The following SMURF1 variants were observed in gnomAD, a reference collection of about 807,000 sequenced individuals.
The protein encoded by SMURF1 is SMAD specific E3 ubiquitin protein ligase 1.
Under a neutral mutation model 98.0 loss-of-function variants are expected in SMURF1, and 44 were observed. That is an observed-to-expected ratio of 0.45 (90% CI 0.35 to 0.58). The LOEUF (loss-of-function observed/expected upper bound fraction) is 0.58. Among genes scored for constraint, SMURF1 ranks in the 20% least tolerant of loss-of-function variants. The pLI is 0.00. For synonymous variants in SMURF1, 396 were observed against 374.9 expected (o/e 1.06, Z -0.65); for missense variants, 687 against 938.4 (o/e 0.73, Z 3.50).
chr7:99,059,346 C>T (rs1364824334), intron 3 of SMURF1, among the ~76,000 whole-genome samples: 18 of 143,434 alleles, frequency 1.3e-4, no homozygotes, highest in Admixed American at 2.1e-4. Flanking sequence ...TGCAGTGAGC[C>T]GAGATCCCGC....
chr7:99,060,705 G>A lies in SMURF1; in HGVS notation c.97C>T (p.Leu33Phe). The change falls in exon 3 of 18, where the codon CTC becomes TTC. Residue 33 changes from leucine to phenylalanine, a missense_variant and splice_region_variant. Leu to Phe is a conservative substitution (Grantham distance 22). This residue lies in a region of SMURF1 where 415 missense variants were observed against 508.4 expected (regional missense o/e 0.82). Coordinates refer to ENST00000361368, the MANE Select transcript of SMURF1 (RefSeq NM_181349.3). ...KNLAKKDFFRLPDPFAKIVVD... is the reference protein window; with the variant it reads ...KNLAKKDFFRFPDPFAKIVVD... Reference sequence around the variant, plus strand: ...ACAATCTTTGCAAAAGGGTCAGGGAGCCCTAGAGGAGAGAGGAGACCCACA... The same window carrying A: ...ACAATCTTTGCAAAAGGGTCAGGGAACCCTAGAGGAGAGAGGAGACCCACA... 1 of 1,612,412 alleles carries A rather than the reference G, an allele frequency of 6.2e-7. No homozygotes were observed. Among genetic ancestry groups the A allele is most frequent in the East Asian group, 2.2e-5 (1 of 44,868 alleles).
At chr7:99,056,509 C>CT (rs764819330) in intron 5 of SMURF1, among the ~76,000 whole-genome samples, 18 of 152,206 alleles carry the variant, frequency 1.2e-4, no homozygotes, top group Non-Finnish European at 1.9e-4. Flanking sequence ...CTTCACAACT[C>CT]TATGCTTTTT....
At chr7:99,118,348 C>G (rs945578711) in intron 1 of SMURF1, among the ~76,000 whole-genome samples, 1 of 152,142 alleles carries the variant, frequency 6.6e-6, no homozygotes, top group Non-Finnish European at 1.5e-5. Flanking sequence ...AAAAACTTGC[C>G]CACAAATGTT....
At chr7:99,055,124 G>A (rs916269794) in intron 5 of SMURF1, among the ~76,000 whole-genome samples, 1 of 152,148 alleles carries the variant, frequency 6.6e-6, no homozygotes, top group Admixed American at 6.5e-5. Flanking sequence ...AAATAACAAT[G>A]TAATATTCAG....
chr7:99,112,517 G>A (rs1020949169), intron 1 of SMURF1, among the ~76,000 whole-genome samples: 2 of 152,132 alleles, frequency 1.3e-5, no homozygotes, highest in African/African-American at 4.8e-5. Flanking sequence ...CAATCCACAG[G>A]GAGGGGGAGC....
chr7:99,138,170 T>A (rs896993128), intron 1 of SMURF1, among the ~76,000 whole-genome samples: 6 of 150,558 alleles, frequency 4.0e-5, no homozygotes, highest in Admixed American at 6.6e-5. Context: ...GGTTTTGAAA[T>A]TATAAAAAAT....
chr7:99,132,705 C>T (rs1374419304), intron 1 of SMURF1, among the ~76,000 whole-genome samples: 1 of 151,544 alleles, frequency 6.6e-6, no homozygotes, highest in Non-Finnish European at 1.5e-5. Flanking sequence ...CACGGACACA[C>T]ACACACACAC....
chr7:99,101,276 G>T (rs1159076249), intron 1 of SMURF1, among the ~76,000 whole-genome samples: 1 of 152,210 alleles, frequency 6.6e-6, no homozygotes, highest in Non-Finnish European at 1.5e-5. Flanking sequence ...GGAGGCTGAG[G>T]TGGGAGGATC....
At chr7:99,087,217 A>T (rs184256095) in intron 1 of SMURF1, among the ~76,000 whole-genome samples, 1,543 of 151,546 alleles carry the variant, frequency 0.01, 21 homozygotes, top group African/African-American at 0.031. Context: ...AAAAAAAAAA[A>T]ATTTTAATTT....
At position 99,035,547 on chromosome 7, in the gene SMURF1, C is replaced by G; in HGVS notation, c.1979G>C (p.Arg660Pro). Residue 660 changes from arginine (R) to proline (P), a missense_variant, in exon 16 of 18, where the codon CGA (arginine) becomes CCA (proline). Arg to Pro is a moderately radical substitution (Grantham distance 103). Around this residue, in one of 2 missense-constraint regions of SMURF1, gnomAD observed 272 missense variants for 430.0 expected, o/e 0.63. Transcript: ENST00000361368. ...AGCCTTGAAGCCTTGGAGCGGGACTCGCGTGGACCCAGTCACAAACTGCAG... is the reference window on the plus strand; with the variant it reads ...AGCCTTGAAGCCTTGGAGCGGGACTGGCGTGGACCCAGTCACAAACTGCAG... ...RLLQFVTGST[R>P]VPLQGFKALQ... The G allele has an allele frequency of 6.2e-7, 1 of 1,614,252 alleles. No individual in the cohort carries two copies. The highest frequency in any genetic ancestry group is 8.5e-7 in the Non-Finnish European group (1 of 1,180,048).
intron 1 of SMURF1, among the ~76,000 whole-genome samples, chr7:99,101,151 T>C (rs183451316): frequency 6.6e-6 from 1 of 152,218 alleles, no homozygotes; most frequent in East Asian, 1.9e-4. Flanking sequence ...GGGTAGGGAA[T>C]AGTGAAAGGA....
rs547044861 is a variant in SMURF1, at chr7:99,085,078, C to T, written c.56-23241G>A. Among the ~76,000 whole-genome samples, 45 of 152,208 alleles carry T rather than the reference C, an allele frequency of 3.0e-4. No individual in the cohort carries two copies. The South Asian group carries it at 8.3e-3, about 28-fold the overall frequency. On this transcript the variant is annotated intron_variant, in intron 1 of 17. Coordinates refer to ENST00000361368, the MANE Select transcript of SMURF1 (RefSeq NM_181349.3). ...TTGAAAGTTTCCTGGTGGCCGGGCACGGTGGCTCACACCTATAATCCCAGC... is the reference window on the plus strand; with the variant it reads ...TTGAAAGTTTCCTGGTGGCCGGGCATGGTGGCTCACACCTATAATCCCAGC...
intron 1 of SMURF1, among the ~76,000 whole-genome samples, chr7:99,062,946 TAA>T (rs955321689): frequency 2.0e-5 from 3 of 151,946 alleles, no homozygotes; most frequent in Non-Finnish European, 2.9e-5. Context: ...CAATTACTGT[TAA>T]GAGAGTTTGT....
At chr7:99,109,330 C>T (rs1434859487) in intron 1 of SMURF1, among the ~76,000 whole-genome samples, 1 of 152,236 alleles carries the variant, frequency 6.6e-6, no homozygotes, top group Non-Finnish European at 1.5e-5. Flanking sequence ...TCAGGCTATA[C>T]TGTGTTCACT....
At chr7:99,081,895 C>T (rs1023601728) in intron 1 of SMURF1, among the ~76,000 whole-genome samples, 1 of 152,220 alleles carries the variant, frequency 6.6e-6, no homozygotes, top group South Asian at 2.1e-4. Context: ...TCAGGTGATC[C>T]ACCTGCCTTG....
chr7:99,053,111 A>G (rs1482915848), intron 6 of SMURF1, among the ~76,000 whole-genome samples: 2 of 152,196 alleles, frequency 1.3e-5, no homozygotes, highest in Admixed American at 6.5e-5. Context: ...ATTTTACTCT[A>G]TAATGAAACT....
intron 17 of SMURF1, chr7:99,032,755 A>AATGTTGGCCCTCTTAC: frequency 2.3e-6 from 1 of 431,600 alleles, no homozygotes; most frequent in Non-Finnish European, 4.2e-6. Context: ...GTTTAGCAAT[A>AATGTTGGCCCTCTTAC]ATGTTGGCCC....
intron 11 of SMURF1, among the ~76,000 whole-genome samples, chr7:99,043,995 A>G (rs1795484736): frequency 6.6e-6 from 1 of 152,190 alleles, no homozygotes; most frequent in Non-Finnish European, 1.5e-5. Context: ...GGGGGCTGTC[A>G]GAAGGTATGA....
chr7:99,120,962 G>C (rs534149462), intron 1 of SMURF1, among the ~76,000 whole-genome samples: 1 of 151,468 alleles, frequency 6.6e-6, no homozygotes, highest in African/African-American at 2.4e-5. Flanking sequence ...TTTAGGGAAA[G>C]AAACAGTGAA....
Sources: allele counts gnomAD v4.1 joint callset (sites outside exome capture counted in the v4.1 genomes callset), GRCh38; gene constraint gnomAD v4.1.1; regional missense constraint gnomAD v4.1.1; transcripts MANE v1.5; gene names NCBI Gene and HGNC (gene_info 2026-07-23, HGNC 2026-07-21).